Variants in CAMK4 observed in about 807,000 individuals in gnomAD.
CAMK4 encodes calcium/calmodulin dependent protein kinase IV, also known as calcium/calmodulin-dependent protein kinase type IV.
A neutral mutation model predicts 44.9 loss-of-function variants in CAMK4; 22 were observed. That is an observed-to-expected ratio of 0.49 (90% confidence interval 0.35 to 0.70). The LOEUF is 0.70. Among genes scored for constraint, CAMK4 ranks in the 30% least tolerant of loss-of-function variants. The probability of loss-of-function intolerance (pLI) is 0.01; values close to 1 mark genes in which losing one functional copy is unlikely to be tolerated. For synonymous variants in CAMK4, 218 were observed against 215.4 expected, an observed-to-expected ratio of 1.01 and a Z score of -0.11; for missense variants, 498 against 586.8, an observed-to-expected ratio of 0.85 and a Z score of 1.56.
chr5:111,489,160 A>C lies in CAMK4; in HGVS notation c.*4694A>C, dbSNP rs1192364793. 1 of 152,186 alleles carries C rather than the reference A, an allele frequency of 6.6e-6. No individual in the cohort carries two copies. The highest frequency in any genetic ancestry group is 1.5e-5 in the Non-Finnish European group (1 of 68,036). 9.4% of individuals were successfully genotyped at this position (152,186 alleles called of 1,614,324 possible). ...ATATTCATAACCACATGATAAACAG[A>C]AATGTACCCAATAATTTCCTATAAA... On this transcript the variant is annotated 3_prime_UTR_variant, in exon 11 of 11. Coordinates refer to ENST00000282356, the MANE Select transcript of CAMK4 (RefSeq NM_001744.6).
At chr5:111,226,262 G>T (rs562061955) in intron 1 of CAMK4, among the ~76,000 whole-genome samples, 2 of 152,224 alleles carry the variant, frequency 1.3e-5, no homozygotes, top group South Asian at 4.1e-4. Flanking sequence ...ACTTTAATTT[G>T]AAAAATGGGA....
intron 4 of CAMK4, 67 bp downstream of exon 4, chr5:111,377,009 G>A: frequency 1.1e-6 from 1 of 947,700 alleles, no homozygotes; most frequent in East Asian, 2.5e-5. Context: ...TAATCTAAAG[G>A]ACATTTCTCC....
chr5:111,238,050 G>T (rs577002524), intron 1 of CAMK4, among the ~76,000 whole-genome samples: 1 of 152,024 alleles, frequency 6.6e-6, no homozygotes, highest in Non-Finnish European at 1.5e-5. Context: ...CCAGGGGAGC[G>T]TGGTGAAAGG....
Position 111,341,423 on chromosome 5 carries a change from G to A in CAMK4, c.162-2601G>A, listed in dbSNP as rs1266192631. Among the ~76,000 whole-genome samples, 5 of 150,798 alleles carry A rather than the reference G, an allele frequency of 3.3e-5. No homozygotes were observed. In the East Asian group the frequency reaches 7.8e-4, roughly 24 times the overall value. ...TTTTGTTTTTATCTTTTTACATATGGATATCTAGTCATTCAAGCACTAGGT... is the reference window on the plus strand; with the variant it reads ...TTTTGTTTTTATCTTTTTACATATGAATATCTAGTCATTCAAGCACTAGGT... On this transcript the variant is annotated intron_variant, in intron 1 of 10. Coordinates refer to ENST00000282356, the MANE Select transcript of CAMK4 (RefSeq NM_001744.6).
intron 1 of CAMK4, among the ~76,000 whole-genome samples, chr5:111,299,268 C>G (rs948037274): frequency 1.3e-5 from 2 of 152,234 alleles, no homozygotes; most frequent in Admixed American, 1.3e-4. Context: ...GGTAACCACT[C>G]ATGTGAGCTT....
intron 1 of CAMK4, among the ~76,000 whole-genome samples, chr5:111,282,042 G>A (rs939654385): frequency 1.3e-5 from 2 of 150,586 alleles, no homozygotes; most frequent in African/African-American, 4.9e-5. Flanking sequence ...CTGGGCGACA[G>A]CGAGACTCCG....
chr5:111,359,263 C>CAATTTTT lies in CAMK4; in HGVS notation c.240+15161_240+15162insAATTTTT, dbSNP rs1750505225. Among the ~76,000 whole-genome samples, 2 of 3,260 alleles carry CAATTTTT rather than the reference C, an allele frequency of 6.1e-4. 1 individual carries two copies. Among genetic ancestry groups the CAATTTTT allele is most frequent in the Non-Finnish European group, 2.4e-3 (2 of 820 alleles). The allele number at this position is 3,260 out of a possible 152,430, so 2.1% of individuals were successfully genotyped here. A position where few individuals can be genotyped will look rare whatever the true frequency, so the allele number is the denominator to read the frequency against. On this transcript the variant is annotated intron_variant, in intron 2 of 10. Coordinates refer to ENST00000282356, the MANE Select transcript of CAMK4 (RefSeq NM_001744.6). ...TTTTGACTAATAGTAACCATTGTGACTGGTGTGAGATGGTATTTGATTGTG... is the reference window on the plus strand; with the variant it reads ...TTTTGACTAATAGTAACCATTGTGACAATTTTTTGGTGTGAGATGGTATTTGATTGTG...
intron 7 of CAMK4, among the ~76,000 whole-genome samples, chr5:111,459,896 C>T (rs972734498): frequency 1.4e-4 from 22 of 151,908 alleles, no homozygotes; most frequent in Non-Finnish European, 2.6e-4. Context: ...TTCTGGGTCT[C>T]CAGACCATAA....
At chr5:111,291,516 G>T (rs535305383) in intron 1 of CAMK4, among the ~76,000 whole-genome samples, 4 of 152,166 alleles carry the variant, frequency 2.6e-5, no homozygotes, top group Admixed American at 1.3e-4. Flanking sequence ...TTAATCTGTA[G>T]TTTTATTTTT....
chr5:111,275,588 T>C (rs1174187353), intron 1 of CAMK4, among the ~76,000 whole-genome samples: 2 of 152,142 alleles, frequency 1.3e-5, no homozygotes, highest in African/African-American at 2.4e-5. Flanking sequence ...AAAATGTCTT[T>C]ATTTTGCTTT....
At chr5:111,392,799 A>C (rs966388320) in intron 4 of CAMK4, among the ~76,000 whole-genome samples, 1 of 152,158 alleles carries the variant, frequency 6.6e-6, no homozygotes, top group Non-Finnish European at 1.5e-5. Flanking sequence ...TCTAGGAGAC[A>C]ATGACTTATT....
chr5:111,429,360 A>C (rs954729880), intron 5 of CAMK4, among the ~76,000 whole-genome samples: 1 of 152,178 alleles, frequency 6.6e-6, no homozygotes, highest in Non-Finnish European at 1.5e-5. Flanking sequence ...GAGCAACTAC[A>C]TGCCAATAAA....
intron 3 of CAMK4, among the ~76,000 whole-genome samples, chr5:111,376,458 T>C (rs531328522): frequency 1.1e-3 from 167 of 152,188 alleles, no homozygotes; most frequent in Middle Eastern, 3.4e-3. Context: ...ATTTTAAGTT[T>C]TGTAATTCCC....
intron 5 of CAMK4, among the ~76,000 whole-genome samples, chr5:111,419,517 C>G (rs1420619250): frequency 6.6e-6 from 1 of 152,100 alleles, no homozygotes; most frequent in Non-Finnish European, 1.5e-5. Context: ...AAGTCCTTGC[C>G]CGTGCCTATG....
intron 5 of CAMK4, among the ~76,000 whole-genome samples, chr5:111,422,205 G>A (rs1753057802): frequency 6.6e-6 from 1 of 152,114 alleles, no homozygotes; most frequent in Admixed American, 6.5e-5. Flanking sequence ...GCAGAAATAT[G>A]ACACAAACTT....
At chr5:111,254,962 C>T (rs1344204436) in intron 1 of CAMK4, among the ~76,000 whole-genome samples, 2 of 151,898 alleles carry the variant, frequency 1.3e-5, no homozygotes, top group African/African-American at 2.4e-5. Flanking sequence ...TGAAGCACCT[C>T]ATGGCAGTAG....
chr5:111,371,136 A>T (rs544296833), intron 2 of CAMK4, among the ~76,000 whole-genome samples: 1 of 152,174 alleles, frequency 6.6e-6, no homozygotes, highest in Admixed American at 6.5e-5. Flanking sequence ...TTTTGCTGCC[A>T]TTCTATTACC....
intron 8 of CAMK4, among the ~76,000 whole-genome samples, chr5:111,476,168 A>G (rs2112492164): frequency 6.6e-6 from 1 of 151,480 alleles, no homozygotes; most frequent in Admixed American, 6.6e-5. Flanking sequence ...TATCAGTGTA[A>G]AGAATTCTGT....
Position 111,487,667 on chromosome 5 carries a change from T to C in CAMK4, c.*3201T>C, listed in dbSNP as rs1332919231. 3 of 152,324 alleles carry C rather than the reference T, an allele frequency of 2.0e-5. No homozygotes were observed. Among genetic ancestry groups the C allele is most frequent in the African/African-American group, 7.2e-5 (3 of 41,580 alleles). The allele number at this position is 152,324 out of a possible 1,614,324, so 9.4% of individuals were successfully genotyped here. A position where few individuals can be genotyped will look rare whatever the true frequency, so the allele number is the denominator to read the frequency against. On this transcript the variant is annotated 3_prime_UTR_variant, in exon 11 of 11. Coordinates refer to ENST00000282356, the MANE Select transcript of CAMK4 (RefSeq NM_001744.6). ...TGAATTCTTTATTTTTATACTGTTTTCAAAATCAAGAGTGTATGTTAGGCC... is the reference window on the plus strand; with the variant it reads ...TGAATTCTTTATTTTTATACTGTTTCCAAAATCAAGAGTGTATGTTAGGCC...
Sources: gnomAD v4.1 joint callset for allele counts (sites outside exome capture counted in the v4.1 genomes callset) on GRCh38, gnomAD v4.1.1 for gene constraint, MANE v1.5 for transcripts, NCBI Gene and HGNC (gene_info 2026-07-23, HGNC 2026-07-21) for gene names.